KIAA1549L: variants seen among roughly 807,000 people sequenced by gnomAD.
KIAA1549L encodes KIAA1549 like.
A neutral mutation model predicts 160.7 loss-of-function variants in KIAA1549L; 88 were observed. The observed-to-expected ratio is 0.55, with a 90% confidence interval of 0.46 to 0.65. KIAA1549L has a LOEUF of 0.65. KIAA1549L is among the 30% of genes least tolerant of loss of function. KIAA1549L has a pLI of 0.00. For missense variants in KIAA1549L, 2,258 were observed against 2,437.5 expected (o/e 0.93, Z 1.55); for synonymous variants, 950 against 976.7 (o/e 0.97, Z 0.51).
At chr11:33,522,884 G>A (rs1457962054) in intron 1 of KIAA1549L, among the ~76,000 whole-genome samples, 3 of 140,620 alleles carry the variant, frequency 2.1e-5, no homozygotes, top group East Asian at 2.1e-4. Context: ...GGGTGACAAA[G>A]TGAGATTCTC....
chr11:33,406,798 C>T (rs960586225), intron 1 of KIAA1549L, among the ~76,000 whole-genome samples: 3 of 152,224 alleles, frequency 2.0e-5, no homozygotes, highest in African/African-American at 7.2e-5. Context: ...TCGTATTCTT[C>T]ATTTTTGGGG....
In KIAA1549L at chr11:33,621,531, A is replaced by G. The variant is rs1249241789; in HGVS notation, c.5409+2869A>G. On this transcript the variant is annotated intron_variant, in intron 16 of 20. Transcript: ENST00000658780. Reference sequence around the variant, plus strand: ...TTGGCATTGAACTTAATTCATCCCTATGTATAAAGCAGGTAGAAAAGAAAA... The same window carrying G: ...TTGGCATTGAACTTAATTCATCCCTGTGTATAAAGCAGGTAGAAAAGAAAA... Among the ~76,000 whole-genome samples, 3 of 152,228 alleles carry G rather than the reference A, an allele frequency of 2.0e-5. No homozygotes were observed. In the East Asian group the frequency reaches 5.8e-4, roughly 29 times the overall value.
At chr11:33,447,444 T>C (rs1029619481) in intron 1 of KIAA1549L, among the ~76,000 whole-genome samples, 2 of 151,796 alleles carry the variant, frequency 1.3e-5, no homozygotes, top group African/African-American at 4.8e-5. Context: ...CTTTGTAATA[T>C]TTAAGATGTC....
chr11:33,526,056 C>T (rs902760750), intron 1 of KIAA1549L, among the ~76,000 whole-genome samples: 3 of 152,194 alleles, frequency 2.0e-5, no homozygotes, highest in East Asian at 1.9e-4. Flanking sequence ...CCCTGGTAGC[C>T]GAAGACATAA....
chr11:33,387,832 T>C (rs1850202907), intron 1 of KIAA1549L, among the ~76,000 whole-genome samples: 1 of 152,176 alleles, frequency 6.6e-6, no homozygotes, highest in African/African-American at 2.4e-5. Context: ...TTACAAGCCA[T>C]AAGCAGATGT....
rs867337150 is a variant in KIAA1549L, at chr11:33,483,144, T to G, written c.239-58658T>G. On this transcript the variant is annotated intron_variant, in intron 1 of 20. Coordinates refer to ENST00000658780, the MANE Select transcript of KIAA1549L (RefSeq NM_012194.3). Reference sequence around the variant, plus strand: ...CCTCTATCCTTTCCTTCTGGTGTCTTTGTCAGCTTTGGGAGTTAAAGCCTT... The same window carrying G: ...CCTCTATCCTTTCCTTCTGGTGTCTGTGTCAGCTTTGGGAGTTAAAGCCTT... Among the ~76,000 whole-genome samples the G allele has an allele frequency of 6.6e-5, 10 of 152,272 alleles. No individual in the cohort carries two copies. The Middle Eastern group carries it at 0.01, about 155-fold the overall frequency.
chr11:33,615,163 T>C (rs561464329), intron 15 of KIAA1549L, among the ~76,000 whole-genome samples: 21 of 152,206 alleles, frequency 1.4e-4, no homozygotes, highest in Admixed American at 9.2e-4. Flanking sequence ...CTCAAATCAT[T>C]CTAGAACCTG....
At chr11:33,566,247 C>A (rs944649105) in intron 8 of KIAA1549L, among the ~76,000 whole-genome samples, 1 of 152,110 alleles carries the variant, frequency 6.6e-6, no homozygotes, top group African/African-American at 2.4e-5. Context: ...TGACACCTCT[C>A]GACTGTCCTG....
chr11:33,643,115 T>A (rs1464490877), intron 16 of KIAA1549L, among the ~76,000 whole-genome samples: 1 of 152,112 alleles, frequency 6.6e-6, no homozygotes, highest in East Asian at 1.9e-4. Flanking sequence ...ACTTGGACCT[T>A]CCAATTAAAG....
At chr11:33,608,854 C>T (rs565072933) in intron 14 of KIAA1549L, among the ~76,000 whole-genome samples, 1 of 152,334 alleles carries the variant, frequency 6.6e-6, no homozygotes, top group African/African-American at 2.4e-5. Flanking sequence ...CACAGATTGT[C>T]TTGTAATTTT....
chr11:33,517,773 T>C (rs2756286), intron 1 of KIAA1549L, among the ~76,000 whole-genome samples: 46,259 of 151,986 alleles, frequency 0.3, 7,409 homozygotes, highest in Middle Eastern at 0.46. Context: ...TGGGAAACTC[T>C]GCAGGTAAAA....
rs80269501 is a variant in KIAA1549L at position 33,613,893 on chromosome 11, C to A, written c.5279+3927C>A. On this transcript the variant is annotated intron_variant, in intron 15 of 20. Transcript: ENST00000658780. ...TTCATTTTTACATTATAAACTCTTA[C>A]CCAGAGACACAAAGTACATAACATA... 2.9e-4 allele frequency among the ~76,000 whole-genome samples: 44 copies of A among 152,292 alleles called. No homozygotes were observed. The East Asian group carries it at 7.3e-3, about 25-fold the overall frequency.
chr11:33,645,979 G>A lies in KIAA1549L; in HGVS notation c.5703G>A (p.Gly1901=). ...GGACCATGACGCGGCCCAGGGCCGGGGTGCAGTGGGTGCCGACCTACCGCC... is the reference window on the plus strand; with the variant it reads ...GGACCATGACGCGGCCCAGGGCCGGAGTGCAGTGGGTGCCGACCTACCGCC... The part of the protein sequence containing the change: ...APGTMTRPRA[G]VQWVPTYRPE... Residue 1901 remains glycine (G), a synonymous_variant, in exon 17 of 21, where the codon GGG becomes GGA. Coordinates refer to ENST00000658780, the MANE Select transcript of KIAA1549L (RefSeq NM_012194.3). 6.2e-7 allele frequency: 1 copy of A among 1,609,884 alleles called. No individual in the cohort carries two copies. Among genetic ancestry groups the A allele is most frequent in the African/African-American group, 1.3e-5 (1 of 74,992 alleles).
chr11:33,606,617 C>A (rs981938670), intron 13 of KIAA1549L, 24 bp from the exon 14 acceptor site: 2 of 1,607,386 alleles, frequency 1.2e-6, no homozygotes, highest in African/African-American at 2.7e-5. Flanking sequence ...ATCATAAAAT[C>A]GATGTGTTTA....
intron 1 of KIAA1549L, among the ~76,000 whole-genome samples, chr11:33,498,163 C>T (rs1301446769): frequency 6.6e-6 from 1 of 152,192 alleles, no homozygotes; most frequent in Non-Finnish European, 1.5e-5. Context: ...GGCGTGGTGG[C>T]ATGCACCTGT....
intron 1 of KIAA1549L, among the ~76,000 whole-genome samples, chr11:33,421,131 C>T (rs1223906394): frequency 2.0e-5 from 3 of 152,072 alleles, no homozygotes; most frequent in African/African-American, 7.2e-5. Flanking sequence ...TAATTCCCTC[C>T]ACTGTCATCA....
intron 18 of KIAA1549L, 35 bp from the exon 19 acceptor site, chr11:33,658,715 G>A: frequency 6.4e-7 from 1 of 1,557,604 alleles, no homozygotes. Context: ...CTGAGGTCTG[G>A]GACAGTGCTA....
chr11:33,539,160 T>G (rs1302790034), intron 1 of KIAA1549L, among the ~76,000 whole-genome samples: 1 of 152,256 alleles, frequency 6.6e-6, no homozygotes, highest in Non-Finnish European at 1.5e-5. Flanking sequence ...TTGAGCATTT[T>G]TTTTTAAGTC....
chr11:33,604,638 A>T (rs1171656038), intron 13 of KIAA1549L, among the ~76,000 whole-genome samples: 1 of 152,236 alleles, frequency 6.6e-6, no homozygotes, highest in Non-Finnish European at 1.5e-5. Flanking sequence ...GAAATGAAAT[A>T]ATGTCTTTTG....
Sources: allele counts gnomAD v4.1 joint callset (sites outside exome capture counted in the v4.1 genomes callset), GRCh38; gene constraint gnomAD v4.1.1; transcripts MANE v1.5; gene names NCBI Gene and HGNC (gene_info 2026-07-23, HGNC 2026-07-21).